MACROD2: variants seen among roughly 807,000 people sequenced by gnomAD.
MACROD2 encodes mono-ADP ribosylhydrolase 2.
MACROD2 carries 36 observed loss-of-function variants against 70.4 expected under a neutral mutation model. The ratio of observed to expected loss-of-function variants is 0.51; its 90% CI spans 0.39 to 0.68. The LOEUF is 0.68. Among genes scored for constraint, MACROD2 ranks in the 30% least tolerant of loss-of-function variants. The pLI, the probability that MACROD2 is intolerant of heterozygous loss-of-function variation, is 0.00. For synonymous variants in MACROD2, 172 were observed against 178.8 expected, an observed-to-expected ratio of 0.96 and a Z score of 0.30; for missense variants, 496 against 538.4, an observed-to-expected ratio of 0.92 and a Z score of 0.78.
chr20:15,803,937 A>G (rs1308563136), intron 8 of MACROD2, among the ~76,000 whole-genome samples: 2 of 152,274 alleles, frequency 1.3e-5, no homozygotes, highest in South Asian at 2.1e-4. Flanking sequence ...TCTTTAAACT[A>G]TAAGTTCTTA....
In MACROD2 at chr20:14,326,691, C is replaced by A. The variant is rs1353894693; in HGVS notation, c.272-166788C>A. 6.2e-7 allele frequency: 1 copy of A among 1,613,708 alleles called. No individual in the cohort carries two copies. The highest frequency in any genetic ancestry group is 1.3e-5 in the African/African-American group (1 of 74,988). On this transcript the variant is annotated intron_variant, in intron 3 of 17. Coordinates refer to ENST00000684519, the MANE Select transcript of MACROD2 (RefSeq NM_001351661.2). The surrounding 1 kb of genome is among the most constrained non-coding windows in gnomAD (Gnocchi z 5.5). ...TATTGGACATATCCAGTCGATAGAG[C>A]TGCCTTAGATAAGAAAAAGCATTTG...
intron 4 of MACROD2, among the ~76,000 whole-genome samples, chr20:14,586,431 T>G (rs1478388750): frequency 1.3e-5 from 2 of 152,106 alleles, no homozygotes; most frequent in Non-Finnish European, 2.9e-5. Flanking sequence ...AGAAAAGTTA[T>G]GCTTACACAG....
At chr20:14,983,950 T>G (rs993262000) in intron 5 of MACROD2, among the ~76,000 whole-genome samples, 3 of 152,158 alleles carry the variant, frequency 2.0e-5, no homozygotes, top group Non-Finnish European at 2.9e-5. Context: ...GACTAGTACC[T>G]TTGACGTGCA....
intron 9 of MACROD2, among the ~76,000 whole-genome samples, chr20:15,878,770 G>A (rs997383057): frequency 6.6e-6 from 1 of 152,054 alleles, no homozygotes; most frequent in African/African-American, 2.4e-5. Context: ...AATAAAAGAA[G>A]GTGAAATCAA....
intron 3 of MACROD2, among the ~76,000 whole-genome samples, chr20:14,217,315 A>C (rs1462696252): frequency 3.3e-5 from 5 of 152,188 alleles, no homozygotes; most frequent in African/African-American, 9.6e-5. Flanking sequence ...ACATTTATTG[A>C]CTTGCATATG....
chr20:16,003,115 CACACACAA>C lies in MACROD2; in HGVS notation c.1153+15961_1153+15968del, dbSNP rs1487640630. Among the ~76,000 whole-genome samples the C allele has an allele frequency of 9.2e-5, 13 of 140,546 alleles. No homozygotes were observed. In the South Asian group the frequency reaches 1.4e-3, roughly 15 times the overall value. The allele number at this position is 140,546 out of a possible 152,430, so 92.2% of individuals were successfully genotyped here. On this transcript the variant is annotated intron_variant, in intron 15 of 17. Transcript: ENST00000684519. ...ACACACACACACACACACACACACA[CACACACAA>C]ACAATCTCTACCCTCAAGGGGAAGC...
At chr20:14,007,905 A>T (rs995800289) in intron 2 of MACROD2, among the ~76,000 whole-genome samples, 14 of 152,118 alleles carry the variant, frequency 9.2e-5, no homozygotes, top group African/African-American at 3.4e-4. Context: ...ATAGGGGAAA[A>T]ATAAAATAAT....
At chr20:15,722,861 C>A (rs2050807130) in intron 8 of MACROD2, among the ~76,000 whole-genome samples, 2 of 151,998 alleles carry the variant, frequency 1.3e-5, no homozygotes. Flanking sequence ...GCAGTTTTGC[C>A]TTTCACTTTT....
intron 5 of MACROD2, among the ~76,000 whole-genome samples, chr20:14,819,207 A>G (rs1007033757): frequency 1.3e-5 from 2 of 151,900 alleles, no homozygotes; most frequent in Non-Finnish European, 2.9e-5. Flanking sequence ...CAGAGGTTGT[A>G]GTGAGCCAAG....
At chr20:15,476,716 GA>G (rs1438774341) in intron 7 of MACROD2, among the ~76,000 whole-genome samples, 1 of 152,158 alleles carries the variant, frequency 6.6e-6, no homozygotes, top group Non-Finnish European at 1.5e-5. Flanking sequence ...TAACAGAGAA[GA>G]AAAACCAGCA....
At chr20:15,835,016 C>A (rs2064097582) in intron 8 of MACROD2, among the ~76,000 whole-genome samples, 1 of 152,184 alleles carries the variant, frequency 6.6e-6, no homozygotes, top group African/African-American at 2.4e-5. Flanking sequence ...CTGGAGGAAG[C>A]CAACCTTCAT....
At chr20:14,800,804 T>C (rs553783610) in intron 5 of MACROD2, among the ~76,000 whole-genome samples, 15 of 151,020 alleles carry the variant, frequency 9.9e-5, no homozygotes, top group Admixed American at 4.0e-4. Flanking sequence ...TTGTCTTGAA[T>C]TGAAAAAATC....
At chr20:16,022,396 A>C (rs1377732953) in intron 15 of MACROD2, among the ~76,000 whole-genome samples, 1 of 152,126 alleles carries the variant, frequency 6.6e-6, no homozygotes, top group Non-Finnish European at 1.5e-5. Flanking sequence ...GTAATTAATA[A>C]AATTTCTAGT....
intron 5 of MACROD2, among the ~76,000 whole-genome samples, chr20:15,111,521 T>C (rs2075955536): frequency 6.6e-6 from 1 of 152,184 alleles, no homozygotes. Flanking sequence ...AAAACTTATT[T>C]AAAAGTTCTA....
chr20:15,258,134 T>C (rs1325402283), intron 6 of MACROD2, among the ~76,000 whole-genome samples: 1 of 152,090 alleles, frequency 6.6e-6, no homozygotes, highest in East Asian at 1.9e-4. Flanking sequence ...TCTTTGTGTT[T>C]TAAGCTATTA....
chr20:14,805,870 T>G (rs901482503), intron 5 of MACROD2, among the ~76,000 whole-genome samples: 2 of 152,074 alleles, frequency 1.3e-5, no homozygotes, highest in Non-Finnish European at 1.5e-5. Context: ...TCAGGTTGTC[T>G]GTTAGGTTTA....
rs190823528 is a variant in MACROD2 at position 14,407,959 on chromosome 20, C to T, written c.272-85520C>T. ...AGTATCACTAAAAACTAATATTTAA[C>T]TGTATGCTATAGTGGTGGAAAGAGC... On this transcript the variant is annotated intron_variant, in intron 3 of 17. Transcript: ENST00000684519. Among the ~76,000 whole-genome samples, 190 of 152,256 alleles carry T rather than the reference C, an allele frequency of 1.2e-3. 1 individual carries two copies. The highest frequency in any genetic ancestry group is 3.9e-3 in the Admixed American group (59 of 15,294).
chr20:14,179,641 CTAAT>C (rs758524061), intron 3 of MACROD2, among the ~76,000 whole-genome samples: 19 of 152,064 alleles, frequency 1.2e-4, no homozygotes, highest in Non-Finnish European at 2.2e-4. Context: ...AGGGGAAAGA[CTAAT>C]TAAAACACAA....
At chr20:14,944,662 G>A (rs559195327) in intron 5 of MACROD2, among the ~76,000 whole-genome samples, 48 of 152,290 alleles carry the variant, frequency 3.2e-4, no homozygotes, top group Admixed American at 1.5e-3. Context: ...AAGAGAAGTG[G>A]AGTCTGTTGC....
Sources: allele counts gnomAD v4.1 joint callset (sites outside exome capture counted in the v4.1 genomes callset), GRCh38; gene constraint gnomAD v4.1.1; non-coding constraint Gnocchi (gnomAD v3.1); transcripts MANE v1.5; gene names NCBI Gene and HGNC (gene_info 2026-07-23, HGNC 2026-07-21).